NSUN2: variants seen among roughly 807,000 people sequenced by gnomAD.
The protein encoded by NSUN2 is RNA cytosine C(5)-methyltransferase NSUN2.
A neutral mutation model predicts 92.7 loss-of-function variants in NSUN2; 63 were observed. The observed-to-expected ratio is 0.68, with a 90% confidence interval of 0.56 to 0.84. The LOEUF (loss-of-function observed/expected upper bound fraction) is 0.84. Among genes scored for constraint, NSUN2 ranks in the 40% least tolerant of loss-of-function variants. The pLI is 0.00. For synonymous variants in NSUN2, 356 were observed against 348.3 expected (o/e 1.02, Z -0.25); for missense variants, 989 against 964.9 (o/e 1.02, Z -0.33).
rs754339307 is a variant in NSUN2, at chr5:6,600,172, A to C, written c.2058T>G (p.Ile686Met). Reference sequence around the variant, plus strand: ...GTTCATTCTTGGGCACAAAAGTTCGAATGGAGGCCTTTCCCCGCCATCCGC... The same window carrying C: ...GTTCATTCTTGGGCACAAAAGTTCGCATGGAGGCCTTTCCCCGCCATCCGC... Reference protein sequence around the residue: ...VLCGWRGKASIRTFVPKNERL... With the variant: ...VLCGWRGKASMRTFVPKNERL... Residue 686 changes from isoleucine to methionine, a missense_variant, in exon 19 of 19, where the codon ATT becomes ATG. Ile to Met is a conservative substitution (Grantham distance 10). Transcript: ENST00000264670. 2.6e-5 allele frequency: 42 copies of C among 1,614,116 alleles called. No homozygotes were observed. The highest frequency in any genetic ancestry group is 3.6e-5 in the Non-Finnish European group (42 of 1,180,050).
chr5:6,601,385 C>G (rs3776442), intron 18 of NSUN2, among the ~76,000 whole-genome samples: 20,686 of 152,008 alleles, frequency 0.14, 1,632 homozygotes, highest in East Asian at 0.27. Context: ...TGCTCCTGCC[C>G]GTTCACCATC....
rs2303711 is a variant in NSUN2, at chr5:6,602,431, T to C, written c.1997+30A>G. Reference sequence around the variant, plus strand: ...ACTGTAGCTAATGACAAGGCGTGTGTGTCTAAGGGCAGGGCGTGTACTGAC... The same window carrying C: ...ACTGTAGCTAATGACAAGGCGTGTGCGTCTAAGGGCAGGGCGTGTACTGAC... On this transcript the variant is annotated intron_variant, in intron 18 of 18. Transcript: ENST00000264670. 0.68 allele frequency: 1,089,757 copies of C among 1,603,048 alleles called. 372,549 individuals are homozygous for C. The highest frequency in any genetic ancestry group is 0.74 in the Middle Eastern group (4,493 of 6,052).
Position 6,600,193 on chromosome 5 carries a change from T to G in NSUN2, c.2037A>C (p.Gly679=), listed in dbSNP as rs1208243094. ...DALQCPIVLC[G]WRGKASIRTF... is the part of the protein sequence containing the mutation. ...TTCGAATGGAGGCCTTTCCCCGCCA[T>G]CCGCATAAGACGATGGGACACTGCA... Residue 679 remains glycine (G), a synonymous_variant, in exon 19 of 19, where the codon GGA becomes GGC. Transcript: ENST00000264670. 1 of 1,614,066 alleles carries G rather than the reference T, an allele frequency of 6.2e-7. No individual in the cohort carries two copies. Among genetic ancestry groups the G allele is most frequent in the East Asian group, 2.2e-5 (1 of 44,902 alleles).
chr5:6,630,150 T>A (rs1170918285), intron 3 of NSUN2, among the ~76,000 whole-genome samples: 1 of 152,198 alleles, frequency 6.6e-6, no homozygotes, highest in Non-Finnish European at 1.5e-5. Context: ...TTACCTCATC[T>A]CAGCAATGCC....
intron 4 of NSUN2, 97 bp from the exon 5 acceptor site, chr5:6,623,382 A>G (rs1737539217): frequency 9.9e-7 from 1 of 1,009,872 alleles, no homozygotes; most frequent in Non-Finnish European, 1.4e-6. Context: ...ACAGGAAAAC[A>G]GCACATAATC....
In NSUN2 at chr5:6,605,295, A is replaced by G; in HGVS notation, c.1715T>C (p.Leu572Pro). The change falls in exon 15 of 19, where the codon CTG becomes CCG. Residue 572 changes from leucine to proline, a missense_variant. Transcript: ENST00000264670. ...CACCTTCATCTTCTCACTGTTATTC[A>G]GCAGCACATTCCGCAACTCCTTAGA... ...MVSKELRNVL[L>P]NNSEKMKVIN... The G allele has an allele frequency of 6.2e-7, 1 of 1,614,200 alleles. No homozygotes were observed. Among genetic ancestry groups the G allele is most frequent in the Non-Finnish European group, 8.5e-7 (1 of 1,180,026 alleles).
intron 11 of NSUN2, among the ~76,000 whole-genome samples, chr5:6,610,257 T>C (rs1736934044): frequency 6.6e-6 from 1 of 151,834 alleles, no homozygotes; most frequent in South Asian, 2.1e-4. Flanking sequence ...TTTTTTTTTC[T>C]GTAGAGATGG....
In NSUN2 at chr5:6,632,579, A is replaced by C; in HGVS notation, c.254+20T>G. On this transcript the variant is annotated intron_variant, in intron 2 of 18. Transcript: ENST00000264670. Reference sequence around the variant, plus strand: ...GCATCCTGGCCCCAACTCCCAAAAAATCAGGCACTGCCTCCCTACCTTTTG... The same window carrying C: ...GCATCCTGGCCCCAACTCCCAAAAACTCAGGCACTGCCTCCCTACCTTTTG... The C allele has an allele frequency of 6.2e-7, 1 of 1,611,692 alleles. No individual in the cohort carries two copies.
intron 1 of NSUN2, 38 bp from the exon 2 acceptor site, chr5:6,632,794 G>A (rs1335863866): frequency 9.4e-6 from 15 of 1,600,480 alleles, no homozygotes; most frequent in Non-Finnish European, 1.3e-5. Context: ...GAGGCCCAAG[G>A]AGCCGCCCCC....
rs1560988424 is a variant in NSUN2 at position 6,632,602 on chromosome 5, T to C, written c.251A>G (p.Lys84Arg). The stretch of plus-strand genomic sequence containing the variant: ...AAATCAGGCACTGCCTCCCTACCTT[T>C]TGTAACCAGTAATTCTTAAAGTGGC... ...LPATLRITGY[K>R]SHAKEILHCL... is the part of the protein sequence containing the mutation. The change falls in exon 2 of 19, where the codon AAA becomes AGA. Residue 84 changes from lysine to arginine, a missense_variant. Lys to Arg is a conservative substitution (Grantham distance 26). Around this residue, in one of 3 missense-constraint regions of NSUN2, gnomAD observed 356 missense variants for 338.6 expected, o/e 1.05. Transcript: ENST00000264670. 7 of 1,613,874 alleles carry C rather than the reference T, an allele frequency of 4.3e-6. No individual in the cohort carries two copies. Among genetic ancestry groups the C allele is most frequent in the Non-Finnish European group, 5.1e-6 (6 of 1,179,882 alleles).
rs543325766 is a variant in NSUN2, at chr5:6,614,124, C to CCTCCCGCCT, written c.1022-2327_1022-2326insAGGCGGGAG. ...AAAAAAAAAAAAAAAAAAAAAAAACCCACAACACACACATATAGACAGACA... is the reference window on the plus strand; with the variant it reads ...AAAAAAAAAAAAAAAAAAAAAAAACCCTCCCGCCTCACAACACACACATATAGACAGACA... On this transcript the variant is annotated intron_variant, in intron 9 of 18. Coordinates refer to ENST00000264670, the MANE Select transcript of NSUN2 (RefSeq NM_017755.6). Among the ~76,000 whole-genome samples, 2 of 73,202 alleles carry CCTCCCGCCT rather than the reference C, an allele frequency of 2.7e-5. 1 individual carries two copies. The highest frequency in any genetic ancestry group is 5.7e-5 in the Non-Finnish European group (2 of 35,308). 48.0% of individuals were successfully genotyped at this position (73,202 alleles called of 152,430 possible).
chr5:6,617,727 G>C (rs551589119), intron 8 of NSUN2, among the ~76,000 whole-genome samples: 2 of 152,204 alleles, frequency 1.3e-5, no homozygotes, highest in African/African-American at 4.8e-5. Flanking sequence ...AATTTTTATA[G>C]AAGGCATTTT....
chr5:6,610,817 G>T lies in NSUN2; in HGVS notation c.1226+138C>A, dbSNP rs1423499962. ...ACTGGCTGGGAAGTTCACACACATG[G>T]GGTTGACCCTGGCATAACCCAAGCC... On this transcript the variant is annotated intron_variant, in intron 11 of 18. Coordinates refer to ENST00000264670, the MANE Select transcript of NSUN2 (RefSeq NM_017755.6). 5 of 951,742 alleles carry T rather than the reference G, an allele frequency of 5.3e-6. No individual in the cohort carries two copies. The African/African-American group carries it at 6.5e-5, about 12-fold the overall frequency. The allele number at this position is 951,742 out of a possible 1,614,324, so 59.0% of individuals were successfully genotyped here. A position where few individuals can be genotyped will look rare whatever the true frequency, so the allele number is the denominator to read the frequency against.
rs1239682766 is a variant in NSUN2, at chr5:6,619,954, G to A, written c.815+152C>T. Reference sequence around the variant, plus strand: ...CTGCTTCTCATTAAGACGTATCTACGTGTCCATCTTTTGGTTTAGGCTCAC... The same window carrying A: ...CTGCTTCTCATTAAGACGTATCTACATGTCCATCTTTTGGTTTAGGCTCAC... On this transcript the variant is annotated intron_variant, in intron 7 of 18. Coordinates refer to ENST00000264670, the MANE Select transcript of NSUN2 (RefSeq NM_017755.6). 16 of 526,622 alleles carry A rather than the reference G, an allele frequency of 3.0e-5. No individual in the cohort carries two copies. The South Asian group carries it at 4.8e-4, about 16-fold the overall frequency. The allele number at this position is 526,622 out of a possible 1,614,324, so 32.6% of individuals were successfully genotyped here.
chr5:6,622,196 G>T, intron 5 of NSUN2, 96 bp from the exon 6 acceptor site: 1 of 922,180 alleles, frequency 1.1e-6, no homozygotes, highest in Non-Finnish European at 1.7e-6. Context: ...TCTAGTCCAA[G>T]ATCTAAATAT....
intron 12 of NSUN2, 24 bp from the exon 13 acceptor site, chr5:6,607,408 G>A: frequency 5.0e-6 from 8 of 1,588,472 alleles, no homozygotes; most frequent in Non-Finnish European, 6.9e-6. Context: ...CAATTTCATT[G>A]ACACACAAAG....
At chr5:6,623,719 A>T (rs1248436049) in intron 4 of NSUN2, among the ~76,000 whole-genome samples, 2 of 152,222 alleles carry the variant, frequency 1.3e-5, no homozygotes, top group East Asian at 3.8e-4. Context: ...TTAGTCCTCC[A>T]CTATTTTCAG....
chr5:6,620,218 A>G lies in NSUN2; in HGVS notation c.703T>C (p.Cys235Arg), dbSNP rs1579372393. Reference sequence around the variant, plus strand: ...GCATCATGGTTGACCACCATGATGCAGGGGCTGCTCAGCCTCTTGGCTTGA... The same window carrying G: ...GCATCATGGTTGACCACCATGATGCGGGGGCTGCTCAGCCTCTTGGCTTGA... ...VHQAKRLSSP[C>R]IMVVNHDASS... Residue 235 changes from cysteine to arginine, a missense_variant, in exon 7 of 19, where the codon TGC (cysteine) becomes CGC (arginine). Coordinates refer to ENST00000264670, the MANE Select transcript of NSUN2 (RefSeq NM_017755.6). 6.2e-7 allele frequency: 1 copy of G among 1,613,114 alleles called. No homozygotes were observed. The highest frequency in any genetic ancestry group is 2.2e-5 in the East Asian group (1 of 44,802).
intron 17 of NSUN2, among the ~76,000 whole-genome samples, chr5:6,603,593 G>C (rs896948732): frequency 6.6e-6 from 1 of 152,158 alleles, no homozygotes; most frequent in Non-Finnish European, 1.5e-5. Context: ...TGGGAGGCTG[G>C]GGCAGGAGAA....
Sources: gnomAD v4.1 joint callset for allele counts (sites outside exome capture counted in the v4.1 genomes callset) on GRCh38, gnomAD v4.1.1 for gene constraint, gnomAD v4.1.1 regional missense constraint, MANE v1.5 for transcripts, NCBI Gene and HGNC (gene_info 2026-07-23, HGNC 2026-07-21) for gene names.